The following FHIT variants were observed in gnomAD, a reference collection of about 807,000 sequenced individuals.
FHIT encodes fragile histidine triad diadenosine triphosphatase.
FHIT carries 19 observed loss-of-function variants against 17.9 expected under a neutral mutation model. The ratio of observed to expected loss-of-function variants is 1.06; its 90% CI spans 0.74 to 1.56. FHIT has a LOEUF of 1.56. FHIT is among the 40% of genes most tolerant of loss of function. The pLI is 0.00. For missense variants in FHIT, 248 were observed against 189.2 expected, an observed-to-expected ratio of 1.31 and a Z score of -1.82; for synonymous variants, 81 against 69.7, an observed-to-expected ratio of 1.16 and a Z score of -0.81.
intron 4 of FHIT, among the ~76,000 whole-genome samples, chr3:60,742,050 A>T (rs1188232434): frequency 1.3e-5 from 2 of 152,196 alleles, no homozygotes; most frequent in Admixed American, 1.3e-4. Context: ...AACAATAGTC[A>T]GACATTGCTA....
chr3:60,478,016 A>T (rs918665015), intron 5 of FHIT, among the ~76,000 whole-genome samples: 1 of 152,194 alleles, frequency 6.6e-6, no homozygotes, highest in Admixed American at 6.5e-5. Flanking sequence ...TGGTCTTCAC[A>T]GCAGAAAATA....
chr3:60,668,232 G>A (rs2040425764), intron 4 of FHIT, among the ~76,000 whole-genome samples: 3 of 151,690 alleles, frequency 2.0e-5, no homozygotes, highest in Admixed American at 2.0e-4. Context: ...ATTTCTTGGT[G>A]GAAAGGGAGA....
intron 2 of FHIT, among the ~76,000 whole-genome samples, chr3:61,187,257 T>C (rs2038545507): frequency 6.6e-6 from 1 of 152,142 alleles, no homozygotes; most frequent in African/African-American, 2.4e-5. Flanking sequence ...ATTAGGTACA[T>C]ATGCAAAGAC....
intron 5 of FHIT, among the ~76,000 whole-genome samples, chr3:60,048,853 T>G (rs1217946858): frequency 6.6e-6 from 1 of 152,216 alleles, no homozygotes; most frequent in Admixed American, 6.5e-5. Flanking sequence ...AGAAGGAACT[T>G]AAAAATGGAA....
At chr3:59,972,471 G>C (rs1300927593) in intron 7 of FHIT, among the ~76,000 whole-genome samples, 1 of 152,032 alleles carries the variant, frequency 6.6e-6, no homozygotes, top group African/African-American at 2.4e-5. Context: ...GTAGCTCTAT[G>C]GGTCAGGGTT....
intron 8 of FHIT, among the ~76,000 whole-genome samples, chr3:59,916,199 G>C (rs1286750478): frequency 6.6e-6 from 1 of 152,184 alleles, no homozygotes; most frequent in East Asian, 1.9e-4. Flanking sequence ...CTGACTTGCT[G>C]AGTTTTCCGG....
chr3:60,808,764 T>C (rs1445632055), intron 4 of FHIT, among the ~76,000 whole-genome samples: 2 of 152,150 alleles, frequency 1.3e-5, no homozygotes, highest in African/African-American at 4.8e-5. Context: ...ACTGGTCTAG[T>C]TGAGGATTTG....
intron 3 of FHIT, among the ~76,000 whole-genome samples, chr3:61,037,619 G>A (rs894496885): frequency 1.3e-5 from 2 of 152,290 alleles, no homozygotes; most frequent in Middle Eastern, 3.4e-3. Context: ...ATTAGGTCAC[G>A]AGGGCTCTGG....
intron 8 of FHIT, among the ~76,000 whole-genome samples, chr3:59,798,397 A>G (rs1233660749): frequency 6.6e-6 from 1 of 152,200 alleles, no homozygotes; most frequent in African/African-American, 2.4e-5. Flanking sequence ...TTATACCAAG[A>G]GTTTCCTCTC....
rs77991716 is a variant in FHIT, at chr3:60,470,485, A to G, written c.103+66375T>C. Among the ~76,000 whole-genome samples the G allele has an allele frequency of 6.5e-4, 98 of 151,746 alleles. 2 individuals carry two copies. In the East Asian group the frequency reaches 0.013, roughly 20 times the overall value. On this transcript the variant is annotated intron_variant, in intron 5 of 9. Coordinates refer to ENST00000492590, the MANE Select transcript of FHIT (RefSeq NM_002012.4). ...CTCAAGCAGAGGAATCTCTCTGACC[A>G]CCACTGCTCCGGGCACATGGAGAGT...
At chr3:60,015,072 G>C (rs1700290662) in intron 5 of FHIT, among the ~76,000 whole-genome samples, 1 of 151,872 alleles carries the variant, frequency 6.6e-6, no homozygotes, top group Non-Finnish European at 1.5e-5. Flanking sequence ...ATACTAACAA[G>C]AGAAACAAAC....
At chr3:60,185,239 G>A (rs1702109205) in intron 5 of FHIT, among the ~76,000 whole-genome samples, 1 of 151,772 alleles carries the variant, frequency 6.6e-6, no homozygotes, top group South Asian at 2.1e-4. Context: ...AAATTGAATA[G>A]TTTCATGGTG....
chr3:60,910,655 G>A (rs781917541), intron 3 of FHIT, among the ~76,000 whole-genome samples: 1 of 152,032 alleles, frequency 6.6e-6, no homozygotes. Flanking sequence ...CTCATGATCC[G>A]CCGGCCTTGG....
intron 5 of FHIT, among the ~76,000 whole-genome samples, chr3:60,120,205 T>C (rs1705185177): frequency 6.6e-6 from 1 of 152,216 alleles, no homozygotes; most frequent in African/African-American, 2.4e-5. Context: ...TGTATGCCTG[T>C]CTGTCCACCC....
intron 5 of FHIT, among the ~76,000 whole-genome samples, chr3:60,119,214 C>T (rs529375315): frequency 1.3e-5 from 2 of 151,954 alleles, no homozygotes; most frequent in African/African-American, 2.4e-5. Flanking sequence ...GCTGGGACTA[C>T]AGGTACCTGC....
At chr3:59,930,403 T>C (rs1040509811) in intron 7 of FHIT, among the ~76,000 whole-genome samples, 1 of 152,090 alleles carries the variant, frequency 6.6e-6, no homozygotes, top group Non-Finnish European at 1.5e-5. Context: ...GAACCGAAAG[T>C]TCAAGTATTT....
intron 5 of FHIT, among the ~76,000 whole-genome samples, chr3:60,322,881 T>G (rs1388048731): frequency 6.6e-6 from 1 of 152,092 alleles, no homozygotes; most frequent in African/African-American, 2.4e-5. Flanking sequence ...ATTTGAACCG[T>G]CTGAATTATG....
chr3:60,235,093 C>T (rs1455529239), intron 5 of FHIT, among the ~76,000 whole-genome samples: 2 of 152,084 alleles, frequency 1.3e-5, no homozygotes, highest in African/African-American at 4.8e-5. Flanking sequence ...CAAACTCAAA[C>T]ATCATTTCAA....
intron 5 of FHIT, among the ~76,000 whole-genome samples, chr3:60,462,045 A>C (rs1466183610): frequency 1.3e-5 from 2 of 152,166 alleles, no homozygotes. Flanking sequence ...TACACAGTAA[A>C]AACTAACACT....
Sources: gnomAD v4.1 joint callset for allele counts (sites outside exome capture counted in the v4.1 genomes callset) on GRCh38, gnomAD v4.1.1 for gene constraint, MANE v1.5 for transcripts, NCBI Gene and HGNC (gene_info 2026-07-23, HGNC 2026-07-21) for gene names.